DGKB: variants seen among roughly 807,000 people sequenced by gnomAD.
DGKB encodes diacylglycerol kinase beta.
DGKB carries 67 observed loss-of-function variants against 114.3 expected under a neutral mutation model. The ratio of observed to expected loss-of-function variants is 0.59; its 90% CI spans 0.48 to 0.72. The LOEUF (loss-of-function observed/expected upper bound fraction) is 0.72. Among genes scored for constraint, DGKB ranks in the 30% least tolerant of loss-of-function variants. The pLI is 0.00. For synonymous variants in DGKB, 398 were observed against 323.1 expected, an observed-to-expected ratio of 1.23 and a Z score of -2.49; for missense variants, 907 against 975.2, an observed-to-expected ratio of 0.93 and a Z score of 0.93.
At chr7:14,239,959 C>A (rs17167999) in intron 23 of DGKB, among the ~76,000 whole-genome samples, 8,560 of 152,018 alleles carry the variant, frequency 0.056, 423 homozygotes, top group Admixed American at 0.16. Flanking sequence ...TACTTTAGGT[C>A]TTATTTTTGA....
intron 1 of DGKB, among the ~76,000 whole-genome samples, chr7:14,859,273 A>G (rs979942930): frequency 1.3e-5 from 2 of 152,148 alleles, no homozygotes; most frequent in Non-Finnish European, 2.9e-5. Flanking sequence ...GAATATCAAG[A>G]AAAGAGGAAG....
chr7:14,542,601 C>T (rs1183524418), intron 20 of DGKB, among the ~76,000 whole-genome samples: 1 of 152,112 alleles, frequency 6.6e-6, no homozygotes, highest in Non-Finnish European at 1.5e-5. Context: ...CTGTAGCTGC[C>T]ACTCCCCAGC....
intron 20 of DGKB, among the ~76,000 whole-genome samples, chr7:14,542,258 A>G (rs1012975357): frequency 6.6e-6 from 1 of 152,068 alleles, no homozygotes; most frequent in African/African-American, 2.4e-5. Flanking sequence ...GCCTCAAGTG[A>G]TCACATCATC....
At chr7:14,588,692 C>T (rs1801184108) in intron 17 of DGKB, among the ~76,000 whole-genome samples, 1 of 151,978 alleles carries the variant, frequency 6.6e-6, no homozygotes, top group Non-Finnish European at 1.5e-5. Context: ...TTCTACTATG[C>T]AAAGTCCATG....
chr7:14,476,818 A>C (rs1436607766), intron 21 of DGKB, among the ~76,000 whole-genome samples: 1 of 149,694 alleles, frequency 6.7e-6, no homozygotes, highest in African/African-American at 2.5e-5. Flanking sequence ...GCAATGGTGC[A>C]ATCTCAGCTC....
chr7:14,375,864 C>G (rs1818398750), intron 21 of DGKB, among the ~76,000 whole-genome samples: 1 of 152,206 alleles, frequency 6.6e-6, no homozygotes, highest in South Asian at 2.1e-4. Context: ...TTGGTGAGTT[C>G]ACCATAAACA....
chr7:14,746,125 G>A (rs1833251275), intron 4 of DGKB, among the ~76,000 whole-genome samples: 3 of 152,256 alleles, frequency 2.0e-5, no homozygotes, highest in South Asian at 2.1e-4. Flanking sequence ...GATCACCTGA[G>A]GTCAGGAGTT....
chr7:14,206,646 T>A (rs1260128641), intron 23 of DGKB, among the ~76,000 whole-genome samples: 1 of 152,024 alleles, frequency 6.6e-6, no homozygotes, highest in Non-Finnish European at 1.5e-5. Flanking sequence ...AGATTTTTGA[T>A]GTTGAGAAAT....
intron 1 of DGKB, among the ~76,000 whole-genome samples, chr7:14,965,531 TAAAC>T (rs1787098405): frequency 6.6e-6 from 1 of 152,092 alleles, no homozygotes; most frequent in African/African-American, 2.4e-5. Context: ...TTTAGAATAT[TAAAC>T]AAAACAAATA....
intron 20 of DGKB, among the ~76,000 whole-genome samples, chr7:14,508,711 G>T (rs915439203): frequency 1.3e-5 from 2 of 152,222 alleles, no homozygotes; most frequent in South Asian, 2.1e-4. Context: ...AACTTCTAGA[G>T]GTAAGGTTGA....
At chr7:14,259,073 TA>T in intron 23 of DGKB, among the ~76,000 whole-genome samples, 1 of 151,872 alleles carries the variant, frequency 6.6e-6, no homozygotes, top group East Asian at 1.9e-4. Context: ...GAACATGGTT[TA>T]AAAAAAAGCC....
At chr7:14,551,121 T>G (rs16878220) in intron 20 of DGKB, among the ~76,000 whole-genome samples, 16,478 of 152,222 alleles carry the variant, frequency 0.11, 1,180 homozygotes, top group East Asian at 0.33. Flanking sequence ...ATATTTTTCC[T>G]ACACTGGCAG....
At chr7:14,918,345 G>C (rs1334631265) in intron 1 of DGKB, among the ~76,000 whole-genome samples, 1 of 152,000 alleles carries the variant, frequency 6.6e-6, no homozygotes, top group Non-Finnish European at 1.5e-5. Context: ...GTACAAAAAA[G>C]AACAACAAAA....
chr7:14,519,549 T>C (rs1789401410), intron 20 of DGKB, among the ~76,000 whole-genome samples: 1 of 152,104 alleles, frequency 6.6e-6, no homozygotes, highest in South Asian at 2.1e-4. Context: ...ATATGAATAT[T>C]ACATACAACT....
At chr7:14,625,413 T>G (rs1808399149) in intron 14 of DGKB, among the ~76,000 whole-genome samples, 1 of 152,210 alleles carries the variant, frequency 6.6e-6, no homozygotes, top group African/African-American at 2.4e-5. Flanking sequence ...AAAAATTTCC[T>G]GTCCACCAGG....
chr7:14,587,225 CT>C (rs750559091), intron 17 of DGKB, among the ~76,000 whole-genome samples: 58 of 152,110 alleles, frequency 3.8e-4, no homozygotes, highest in Middle Eastern at 6.8e-3. Context: ...TCATGGATGA[CT>C]TTAAAGGGTT....
At chr7:14,519,352 T>A (rs913039911) in intron 20 of DGKB, among the ~76,000 whole-genome samples, 4 of 152,054 alleles carry the variant, frequency 2.6e-5, no homozygotes, top group Non-Finnish European at 4.4e-5. Flanking sequence ...ATACATGCAA[T>A]CTTTCCATCC....
chr7:14,642,059 T>G (rs921511401), intron 13 of DGKB, among the ~76,000 whole-genome samples: 1 of 152,144 alleles, frequency 6.6e-6, no homozygotes, highest in Non-Finnish European at 1.5e-5. Context: ...TGCCATTCTC[T>G]ACAGTAGTAA....
intron 1 of DGKB, among the ~76,000 whole-genome samples, chr7:14,843,515 T>C (rs1467335582): frequency 2.0e-5 from 3 of 150,944 alleles, no homozygotes; most frequent in Non-Finnish European, 4.4e-5. Flanking sequence ...TTTGTATTTT[T>C]AGTAGAGACG....
Sources: gnomAD v4.1 joint callset for allele counts (sites outside exome capture counted in the v4.1 genomes callset) on GRCh38, gnomAD v4.1.1 for gene constraint, MANE v1.5 for transcripts, NCBI Gene and HGNC (gene_info 2026-07-23, HGNC 2026-07-21) for gene names.